PCDHA4: variants seen among roughly 807,000 people sequenced by gnomAD.
The protein encoded by PCDHA4 is protocadherin alpha 4.
A neutral mutation model predicts 61.4 loss-of-function variants in PCDHA4; 49 were observed. The observed-to-expected ratio is 0.80, with a 90% CI of 0.63 to 1.01. The LOEUF (loss-of-function observed/expected upper bound fraction) is 1.01. PCDHA4 is among the 50% of genes least tolerant of loss of function. The pLI is 0.00. For synonymous variants in PCDHA4, 590 were observed against 550.3 expected, an observed-to-expected ratio of 1.07 and a Z score of -1.01; for missense variants, 1,254 against 1,235.8, an observed-to-expected ratio of 1.01 and a Z score of -0.22.
At chr5:140,988,226 G>C (rs1375369387) in intron 3 of PCDHA4, among the ~76,000 whole-genome samples, 2 of 152,154 alleles carry the variant, frequency 1.3e-5, no homozygotes, top group Non-Finnish European at 2.9e-5. Context: ...TGAGATCAGG[G>C]ATCTATGTGA....
At chr5:140,989,319 A>G (rs1291622013) in intron 3 of PCDHA4, among the ~76,000 whole-genome samples, 1 of 152,138 alleles carries the variant, frequency 6.6e-6, no homozygotes, top group Admixed American at 6.5e-5. Context: ...GGGTCTCACC[A>G]ACTTTGCCAC....
At position 140,856,908 on chromosome 5, in the gene PCDHA4, C is replaced by G. The variant is rs1319775845; in HGVS notation, c.2385+47336C>G. 7 of 1,595,460 alleles carry G rather than the reference C, an allele frequency of 4.4e-6. 1 individual carries two copies. The African/African-American group carries it at 9.4e-5, about 22-fold the overall frequency. On this transcript the variant is annotated intron_variant, in intron 1 of 3. Coordinates refer to ENST00000530339, the MANE Select transcript of PCDHA4 (RefSeq NM_018907.4). ...TCATTTAGCTCTTTGGTCCCACCCA[C>G]GATAAGAAGGAAATTTTGGATAAAC...
At chr5:140,834,878 C>G in intron 1 of PCDHA4, 1 of 1,607,956 alleles carries the variant, frequency 6.2e-7, no homozygotes, top group Non-Finnish European at 8.5e-7. Context: ...TCGGGGAGAA[C>G]GCCCTGCTCA....
rs371269236 is a variant in PCDHA4, at chr5:141,009,740, G to A, written c.2647G>A (p.Asp883Asn). Residue 883 changes from aspartate to asparagine, a missense_variant, in exon 4 of 4, where the codon GAC becomes AAC. Asp to Asn is a conservative substitution (Grantham distance 23, BLOSUM62 1). Coordinates refer to ENST00000530339, the MANE Select transcript of PCDHA4 (RefSeq NM_018907.4). ...PKQSGPGELP[D>N]KFIIPGSPAI... ...ACAATCCGGTCCCGGTGAGTTGCCC[G>A]ACAAATTCATTATCCCAGGATCTCC... The A allele has an allele frequency of 1.8e-4, 293 of 1,613,962 alleles. No individual in the cohort carries two copies. Among genetic ancestry groups the A allele is most frequent in the East Asian group, 1.6e-3 (74 of 44,884 alleles).
intron 1 of PCDHA4, chr5:140,834,328 T>C (rs2150127559): frequency 6.9e-7 from 1 of 1,451,502 alleles, no homozygotes; most frequent in Non-Finnish European, 9.4e-7. Flanking sequence ...ATAAAAACAT[T>C]CCTATAAATT....
In PCDHA4 at chr5:140,853,642, T is replaced by C. The variant is rs112112795; in HGVS notation, c.2385+44070T>C. 87 of 988,768 alleles carry C rather than the reference T, an allele frequency of 8.8e-5. 2 individuals carry two copies. Among genetic ancestry groups the C allele is most frequent in the Middle Eastern group, 1.1e-3 (2 of 1,882 alleles). 61.2% of individuals were successfully genotyped at this position (988,768 alleles called of 1,614,324 possible). A position where few individuals can be genotyped will look rare whatever the true frequency, so the allele number is the denominator to read the frequency against. ...AAGTATACAAGATCACAGACCTAAA[T>C]TGAGCCTGTTCCAGACAAATTGGGG... On this transcript the variant is annotated intron_variant, in intron 1 of 3. Coordinates refer to ENST00000530339, the MANE Select transcript of PCDHA4 (RefSeq NM_018907.4).
rs2150463409 is a variant in PCDHA4 at position 140,850,016 on chromosome 5, C to G, written c.2385+40444C>G. On this transcript the variant is annotated intron_variant, in intron 1 of 3. Transcript: ENST00000530339. ...TGGGCGAGCGCTCGCTGTCGAGCTA[C>G]GTGTCAGTGCACGCGGAGAGCGGCA... The G allele has an allele frequency of 2.5e-5, 40 of 1,596,912 alleles. 3 individuals are homozygous for G. The South Asian group carries it at 4.1e-4, about 16-fold the overall frequency.
chr5:140,871,468 G>A lies in PCDHA4; in HGVS notation c.2385+61896G>A, dbSNP rs781821721. 4 of 1,602,054 alleles carry A rather than the reference G, an allele frequency of 2.5e-6. No individual in the cohort carries two copies. In the Admixed American group the frequency reaches 5.2e-5, roughly 21 times the overall value. On this transcript the variant is annotated intron_variant, in intron 1 of 3. Transcript: ENST00000530339. Reference sequence around the variant, plus strand: ...TAAAGAGGAGGAAGGGGAAAGACAGGAGCCAGGGTCAAATCACCCCGGACA... The same window carrying A: ...TAAAGAGGAGGAAGGGGAAAGACAGAAGCCAGGGTCAAATCACCCCGGACA...
At chr5:140,854,066 G>A (rs1554146981) in intron 1 of PCDHA4, 1 of 273,774 alleles carries the variant, frequency 3.7e-6, no homozygotes, top group Non-Finnish European at 5.6e-6. Context: ...GGAGGCTGAG[G>A]CGAGAGAATC....
intron 1 of PCDHA4, chr5:140,858,539 T>G: frequency 7.1e-7 from 1 of 1,399,640 alleles, no homozygotes; most frequent in Admixed American, 2.0e-5. Context: ...TTTGTCTACA[T>G]TCCATTTATG....
At chr5:140,928,201 G>C in intron 1 of PCDHA4, 1 of 1,614,242 alleles carries the variant, frequency 6.2e-7, no homozygotes, top group Non-Finnish European at 8.5e-7. Context: ...GTCAGTTGCT[G>C]ATGTGAATGA....
At chr5:140,840,932 A>C (rs1391347019) in intron 1 of PCDHA4, among the ~76,000 whole-genome samples, 1 of 152,030 alleles carries the variant, frequency 6.6e-6, no homozygotes, top group African/African-American at 2.4e-5. Flanking sequence ...AATTGATACG[A>C]TATTTGAAAT....
intron 1 of PCDHA4, among the ~76,000 whole-genome samples, chr5:140,921,271 A>C (rs1190111273): frequency 1.3e-5 from 2 of 152,142 alleles, no homozygotes; most frequent in East Asian, 1.9e-4. Flanking sequence ...TTTTATACTT[A>C]CTTGAAAAAA....
At chr5:140,959,541 C>T (rs2095493793) in intron 1 of PCDHA4, among the ~76,000 whole-genome samples, 1 of 152,002 alleles carries the variant, frequency 6.6e-6, no homozygotes, top group Non-Finnish European at 1.5e-5. Flanking sequence ...TTCAGAGATG[C>T]TGTATAAATA....
chr5:140,881,995 T>C, intron 1 of PCDHA4: 1 of 464,062 alleles, frequency 2.2e-6, no homozygotes, highest in Middle Eastern at 5.9e-4. Flanking sequence ...TGTCAGGAAA[T>C]GCAAGGGGCA....
At chr5:140,890,776 A>G (rs1554184541) in intron 1 of PCDHA4, among the ~76,000 whole-genome samples, 1 of 152,316 alleles carries the variant, frequency 6.6e-6, no homozygotes, top group Non-Finnish European at 1.5e-5. Flanking sequence ...TTAAAACCCC[A>G]TAAGATATTA....
At chr5:140,956,281 G>A (rs551518322) in intron 1 of PCDHA4, among the ~76,000 whole-genome samples, 14 of 152,008 alleles carry the variant, frequency 9.2e-5, no homozygotes, top group Admixed American at 2.0e-4. Flanking sequence ...ATTGGCTGTG[G>A]GTTTATCATA....
At position 140,859,297 on chromosome 5, in the gene PCDHA4, G is replaced by A. The variant is rs918204885; in HGVS notation, c.2385+49725G>A. 281 of 128,994 alleles carry A rather than the reference G, an allele frequency of 2.2e-3. 12 individuals are homozygous for A. The highest frequency in any genetic ancestry group is 7.5e-3 in the African/African-American group (274 of 36,598). The allele number at this position is 128,994 out of a possible 1,614,324, so 8.0% of individuals were successfully genotyped here. A position where few individuals can be genotyped will look rare whatever the true frequency, so the allele number is the denominator to read the frequency against. On this transcript the variant is annotated intron_variant, in intron 1 of 3. Coordinates refer to ENST00000530339, the MANE Select transcript of PCDHA4 (RefSeq NM_018907.4). Reference sequence around the variant, plus strand: ...TACTTTTGAGACTGAAAATACTTTAGTATGAATTAATATTAAAAGTTTGAG... The same window carrying A: ...TACTTTTGAGACTGAAAATACTTTAATATGAATTAATATTAAAAGTTTGAG...
intron 1 of PCDHA4, among the ~76,000 whole-genome samples, chr5:140,838,390 C>T (rs1554137063): frequency 6.6e-6 from 1 of 150,926 alleles, no homozygotes; most frequent in African/African-American, 2.5e-5. Flanking sequence ...TCCCAATGTG[C>T]TGGGATTACA....
Sources: allele counts gnomAD v4.1 joint callset (sites outside exome capture counted in the v4.1 genomes callset), GRCh38; gene constraint gnomAD v4.1.1; transcripts MANE v1.5; gene names NCBI Gene and HGNC (gene_info 2026-07-23, HGNC 2026-07-21).